The following CSMD1 variants were observed in gnomAD, a reference collection of about 807,000 sequenced individuals.
CSMD1 encodes CUB and sushi domain-containing protein 1.
A neutral mutation model predicts 417.5 loss-of-function variants in CSMD1; 213 were observed. The observed-to-expected ratio is 0.51, with a 90% CI of 0.46 to 0.57. The LOEUF is 0.57. CSMD1 is among the 20% of genes least tolerant of loss of function. The probability of loss-of-function intolerance (pLI) is 0.00; values close to 1 mark genes in which losing one functional copy is unlikely to be tolerated. For missense variants in CSMD1, 6,923 were observed against 4,529.7 expected, an observed-to-expected ratio of 1.53 and a Z score of -15.17; for synonymous variants, 2,862 against 1,736.8, an observed-to-expected ratio of 1.65 and a Z score of -16.11.
At chr8:4,423,671 C>T (rs772885127) in intron 2 of CSMD1, among the ~76,000 whole-genome samples, 1 of 151,916 alleles carries the variant, frequency 6.6e-6, no homozygotes, top group Non-Finnish European at 1.5e-5. Flanking sequence ...CCACCAAAAT[C>T]CCAGCAAGAA....
intron 5 of CSMD1, among the ~76,000 whole-genome samples, chr8:3,777,595 T>C (rs968182930): frequency 3.9e-5 from 6 of 152,150 alleles, no homozygotes; most frequent in African/African-American, 1.2e-4. Context: ...ACGGAAGCAG[T>C]CTCAGAATGA....
intron 3 of CSMD1, among the ~76,000 whole-genome samples, chr8:4,037,323 T>C (rs1326242169): frequency 6.6e-6 from 1 of 152,196 alleles, no homozygotes; most frequent in African/African-American, 2.4e-5. Flanking sequence ...AGCCACATTT[T>C]CCCAGAACCT....
intron 25 of CSMD1, among the ~76,000 whole-genome samples, chr8:3,290,190 C>G (rs1430273333): frequency 6.8e-6 from 1 of 147,164 alleles, no homozygotes; most frequent in Non-Finnish European, 1.5e-5. Flanking sequence ...GTCTCTATCT[C>G]TGTTTTGGTA....
chr8:3,312,878 C>T (rs1416172406), intron 23 of CSMD1, among the ~76,000 whole-genome samples: 2 of 152,212 alleles, frequency 1.3e-5, no homozygotes, highest in Non-Finnish European at 1.5e-5. Flanking sequence ...CGTTAGGATA[C>T]AGCCTAGCCT....
intron 3 of CSMD1, among the ~76,000 whole-genome samples, chr8:4,351,678 G>C (rs1584942525): frequency 6.6e-6 from 1 of 152,176 alleles, no homozygotes. Context: ...TGTCTTCCAA[G>C]AGGAGACTTG....
At position 4,675,768 on chromosome 8, in the gene CSMD1, G is replaced by A. The variant is rs1322637774; in HGVS notation, c.86-38210C>T. 2.0e-5 allele frequency among the ~76,000 whole-genome samples: 3 copies of A among 152,124 alleles called. No homozygotes were observed. In the South Asian group the frequency reaches 6.2e-4, roughly 31 times the overall value. On this transcript the variant is annotated intron_variant, in intron 1 of 69. Transcript: ENST00000635120. ...TTACATTGCATTCTACTTGTCAACA[G>A]TAAGCCTGTGTTTACATTCAGGTAC...
At chr8:4,391,851 C>T (rs893941785) in intron 3 of CSMD1, among the ~76,000 whole-genome samples, 2 of 152,172 alleles carry the variant, frequency 1.3e-5, no homozygotes, top group African/African-American at 4.8e-5. Flanking sequence ...AGTCAATAGC[C>T]TCTGTTCTCA....
At chr8:3,021,525 TC>T (rs1040932524) in intron 51 of CSMD1, among the ~76,000 whole-genome samples, 1 of 152,250 alleles carries the variant, frequency 6.6e-6, no homozygotes, top group African/African-American at 2.4e-5. Context: ...TGCCTTTTTT[TC>T]ATTTCATTAA....
intron 1 of CSMD1, among the ~76,000 whole-genome samples, chr8:4,802,352 CGT>C (rs34030430): frequency 0.024 from 3,568 of 145,938 alleles, 74 homozygotes; most frequent in Middle Eastern, 0.062. Flanking sequence ...TGTGTGCGCG[CGT>C]GTGTGTGTGT....
At chr8:3,174,278 A>T (rs1325165550) in intron 37 of CSMD1, among the ~76,000 whole-genome samples, 1 of 152,040 alleles carries the variant, frequency 6.6e-6, no homozygotes, top group Admixed American at 6.5e-5. Context: ...AAGATGGCTT[A>T]AGCTCAGGAG....
At chr8:4,466,965 G>T (rs141287331) in intron 2 of CSMD1, among the ~76,000 whole-genome samples, 4 of 151,684 alleles carry the variant, frequency 2.6e-5, no homozygotes, top group African/African-American at 9.7e-5. Flanking sequence ...CCTTCCCTTA[G>T]CTGTAAGGAA....
chr8:3,912,193 G>T (rs184647848), intron 5 of CSMD1, among the ~76,000 whole-genome samples: 1 of 152,270 alleles, frequency 6.6e-6, no homozygotes, highest in African/African-American at 2.4e-5. Context: ...TGATTTCAGA[G>T]AAATCGTTTT....
At chr8:3,860,830 G>A (rs1184142734) in intron 5 of CSMD1, among the ~76,000 whole-genome samples, 4 of 152,100 alleles carry the variant, frequency 2.6e-5, no homozygotes, top group Non-Finnish European at 5.9e-5. Context: ...GAACAAACGT[G>A]TTCTCTAAGA....
At chr8:4,871,055 G>A (rs986369711) in intron 1 of CSMD1, among the ~76,000 whole-genome samples, 1 of 152,126 alleles carries the variant, frequency 6.6e-6, no homozygotes, top group African/African-American at 2.4e-5. Flanking sequence ...AGCAGTGCTG[G>A]GAGGTGAGGC....
intron 1 of CSMD1, among the ~76,000 whole-genome samples, chr8:4,947,274 T>G (rs1027578564): frequency 2.0e-5 from 3 of 152,188 alleles, no homozygotes; most frequent in Admixed American, 2.0e-4. Context: ...AATGATATAA[T>G]AAACTCAGGA....
intron 1 of CSMD1, among the ~76,000 whole-genome samples, chr8:4,718,307 A>G (rs1209611968): frequency 3.3e-5 from 5 of 152,210 alleles, no homozygotes; most frequent in Non-Finnish European, 7.3e-5. Flanking sequence ...TAAAAAACAT[A>G]TATAACGATT....
chr8:4,702,754 G>A (rs1039640039), intron 1 of CSMD1, among the ~76,000 whole-genome samples: 2 of 152,244 alleles, frequency 1.3e-5, no homozygotes, highest in Admixed American at 6.5e-5. Flanking sequence ...TGGAAGGAAA[G>A]AAAGAGCATC....
chr8:4,471,354 G>C (rs1038675239), intron 2 of CSMD1, among the ~76,000 whole-genome samples: 10 of 152,144 alleles, frequency 6.6e-5, no homozygotes, highest in Non-Finnish European at 1.0e-4. Flanking sequence ...CTTATTTCTA[G>C]AAGACATTGG....
intron 26 of CSMD1, among the ~76,000 whole-genome samples, chr8:3,270,233 T>C (rs1801739960): frequency 6.6e-6 from 1 of 151,966 alleles, no homozygotes; most frequent in South Asian, 2.1e-4. Flanking sequence ...TATCTTTTTA[T>C]TTTTAGTAGA....
Sources: gnomAD v4.1 joint callset for allele counts (sites outside exome capture counted in the v4.1 genomes callset) on GRCh38, gnomAD v4.1.1 for gene constraint, MANE v1.5 for transcripts, NCBI Gene and HGNC (gene_info 2026-07-23, HGNC 2026-07-21) for gene names.